CORO1A: variants seen among roughly 807,000 people sequenced by gnomAD.
CORO1A encodes the protein coronin-1A.
A neutral mutation model predicts 44.1 loss-of-function variants in CORO1A; 17 were observed. The ratio of observed to expected loss-of-function variants is 0.39; its 90% CI spans 0.26 to 0.58. The LOEUF (loss-of-function observed/expected upper bound fraction) is 0.58, where lower values mean the gene tolerates loss of function less well. Ranked by LOEUF, CORO1A falls within the 20% of genes least tolerant of loss-of-function variation. CORO1A has a pLI of 0.62. For missense variants in CORO1A, 415 were observed against 606.5 expected, an observed-to-expected ratio of 0.68 and a Z score of 3.32; for synonymous variants, 271 against 244.2, an observed-to-expected ratio of 1.11 and a Z score of -1.02.
intron 2 of CORO1A, chr16:30,185,740 T>C: frequency 2.6e-6 from 1 of 381,044 alleles, no homozygotes; most frequent in Non-Finnish European, 4.9e-6. Context: ...CTGGGGGCCC[T>C]GGCAGCGTTC....
At position 30,187,267 on chromosome 16, in the gene CORO1A, CCTT is replaced by C. The variant is rs777585104; in HGVS notation, c.636+48_636+50del. 1.0e-5 allele frequency: 16 copies of C among 1,605,996 alleles called. 1 individual carries two copies. Among genetic ancestry groups the C allele is most frequent in the South Asian group, 3.3e-5 (3 of 91,078 alleles). ...TGACCTTTGACCCTACAGCCTTTAT[CCTT>C]CTTATCCACCATCAGCCAGGCCCTT... On this transcript the variant is annotated intron_variant, in intron 5 of 10. Transcript: ENST00000219150.
In CORO1A at chr16:30,186,585, G is replaced by A. The variant is rs752190267; in HGVS notation, c.199-13G>A. On this transcript the variant is annotated splice_polypyrimidine_tract_variant and intron_variant, in intron 2 of 10. Transcript: ENST00000219150. ...GAGGCAAAAGCACCTCCAAGGCCCT[G>A]CTGTGCCTTTAGACTGGACGTGTGG... is the stretch of plus-strand genomic sequence containing the variant. 3.8e-5 allele frequency: 61 copies of A among 1,612,060 alleles called. 3 individuals carry two copies. The South Asian group carries it at 6.4e-4, about 17-fold the overall frequency.
At position 30,188,011 on chromosome 16, in the gene CORO1A, A is replaced by G. The variant is rs769394096; in HGVS notation, c.931A>G (p.Ser311Gly). ...APFLHYLSMF[S>G]SKESQRGMGY... The stretch of plus-strand genomic sequence containing the variant: ...TTTCCTGCACTATCTCTCCATGTTC[A>G]GTTCCAAGGAGTCCCAGCGGGGCAT... The change falls in exon 8 of 11, where the codon AGT becomes GGT. Residue 311 changes from serine (S) to glycine (G), a missense_variant. Physicochemically the swap from Ser to Gly is moderately conservative, Grantham distance 56. Around this residue, in one of 2 missense-constraint regions of CORO1A, gnomAD observed 325 missense variants for 521.7 expected, o/e 0.62. Transcript: ENST00000219150. 4 of 1,613,934 alleles carry G rather than the reference A, an allele frequency of 2.5e-6. No homozygotes were observed. The South Asian group carries it at 3.3e-5, about 13-fold the overall frequency.
intron 7 of CORO1A, 36 bp downstream of exon 7, chr16:30,187,865 G>GCCCGGGGGGC: frequency 1.9e-6 from 1 of 513,368 alleles, no homozygotes; most frequent in Non-Finnish European, 3.6e-6. Flanking sequence ...TGGGAGGTGG[G>GCCCGGGGGGC]CAGGATGGGC....
At chr16:30,186,194 T>C (rs951161673) in intron 2 of CORO1A, 6 of 316,246 alleles carry the variant, frequency 1.9e-5, no homozygotes, top group South Asian at 1.6e-4. Flanking sequence ...GCCCCACCAC[T>C]CACACTCGCT....
Position 30,188,029 on chromosome 16 carries a change from C to A in CORO1A, c.949C>A (p.Arg317=), listed in dbSNP as rs767866898. Residue 317 remains arginine, a synonymous_variant, in exon 8 of 11, where the codon CGG becomes AGG. Transcript: ENST00000219150. ...LSMFSSKESQ[R]GMGYMPKRGL... is the part of the protein sequence containing the mutation. ...CATGTTCAGTTCCAAGGAGTCCCAG[C>A]GGGGCATGGGCTACATGCCCAAACG... The A allele has an allele frequency of 3.1e-6, 5 of 1,613,780 alleles. No homozygotes were observed. The highest frequency in any genetic ancestry group is 1.3e-5 in the African/African-American group (1 of 74,920).
At position 30,185,426 on chromosome 16, in the gene CORO1A, G is replaced by A. The variant is rs747443140; in HGVS notation, c.198+19G>A. 1 of 1,606,576 alleles carries A rather than the reference G, an allele frequency of 6.2e-7. No individual in the cohort carries two copies. Among genetic ancestry groups the A allele is most frequent in the Non-Finnish European group, 8.5e-7 (1 of 1,176,816 alleles). On this transcript the variant is annotated intron_variant, in intron 2 of 10. Coordinates refer to ENST00000219150, the MANE Select transcript of CORO1A (RefSeq NM_007074.4). ...GGGCAAGGTGAGCCCCTGGGGCCCTGGGGGGAGCAGCTCCTCCACCGGACC... is the reference window on the plus strand; with the variant it reads ...GGGCAAGGTGAGCCCCTGGGGCCCTAGGGGGAGCAGCTCCTCCACCGGACC...
At position 30,187,779 on chromosome 16, in the gene CORO1A, C is replaced by G. The variant is rs1220382476; in HGVS notation, c.811C>G (p.Leu271Val). The G allele has an allele frequency of 6.3e-7, 1 of 1,599,616 alleles. No individual in the cohort carries two copies. The change falls in exon 7 of 11, where the codon CTG becomes GTG. Residue 271 changes from leucine (L) to valine (V), a missense_variant. Physicochemically the swap from Leu to Val is conservative, Grantham distance 32. Around this residue, in one of 2 missense-constraint regions of CORO1A, gnomAD observed 325 missense variants for 521.7 expected, o/e 0.62. Coordinates refer to ENST00000219150, the MANE Select transcript of CORO1A (RefSeq NM_007074.4). ...LQELDTSSGVLLPFFDPDTNI... is the reference protein window; with the variant it reads ...LQELDTSSGVVLPFFDPDTNI... Reference sequence around the variant, plus strand: ...GGAGCTGGACACCAGCAGCGGTGTCCTGCTGCCCTTCTTTGACCCTGACAC... The same window carrying G: ...GGAGCTGGACACCAGCAGCGGTGTCGTGCTGCCCTTCTTTGACCCTGACAC...
chr16:30,185,368 C>T lies in CORO1A; in HGVS notation c.159C>T (p.Ala53=), dbSNP rs1211639036. 8.7e-6 allele frequency: 14 copies of T among 1,614,122 alleles called. No individual in the cohort carries two copies. The highest frequency in any genetic ancestry group is 1.6e-4 in the Middle Eastern group (1 of 6,062). Residue 53 remains alanine (A), a synonymous_variant, in exon 2 of 11, where the codon GCC becomes GCT. Coordinates refer to ENST00000219150, the MANE Select transcript of CORO1A (RefSeq NM_007074.4). ...AGTTTGTGGCCCTGATCTGTGAGGC[C>T]AGCGGGGGAGGGGCCTTCCTGGTGC... The part of the protein sequence containing the change: ...NPKFVALICE[A]SGGGAFLVLP...
chr16:30,187,865 G>GGGGGGGGGGGGGGGCCGGGGGC, intron 7 of CORO1A, 36 bp downstream of exon 7: 1 of 513,366 alleles, frequency 1.9e-6, no homozygotes, highest in Non-Finnish European at 3.6e-6. Flanking sequence ...TGGGAGGTGG[G>GGGGGGGGGGGGGGGCCGGGGGC]CAGGATGGGC....
Position 30,187,966 on chromosome 16 carries a change from G to A in CORO1A, c.886G>A (p.Glu296Lys), listed in dbSNP as rs746960406. 6.2e-7 allele frequency: 1 copy of A among 1,614,054 alleles called. No homozygotes were observed. Among genetic ancestry groups the A allele is most frequent in the Admixed American group, 1.7e-5 (1 of 60,012 alleles). ...GKGDSSIRYF[E>K]ITSEAPFLHY... Reference sequence around the variant, plus strand: ...GGGTGACAGCTCAATCCGGTACTTTGAGATCACTTCCGAGGCCCCTTTCCT... The same window carrying A: ...GGGTGACAGCTCAATCCGGTACTTTAAGATCACTTCCGAGGCCCCTTTCCT... The change falls in exon 8 of 11, where the codon GAG becomes AAG. Residue 296 changes from glutamate (E) to lysine (K), a missense_variant. This residue lies in a region of CORO1A where 325 missense variants were observed against 521.7 expected (regional missense o/e 0.62). Coordinates refer to ENST00000219150, the MANE Select transcript of CORO1A (RefSeq NM_007074.4).
chr16:30,187,648 A>G (rs1328193311), intron 6 of CORO1A, 77 bp from the exon 7 acceptor site: 1 of 1,472,572 alleles, frequency 6.8e-7, no homozygotes, highest in Non-Finnish European at 9.4e-7. Flanking sequence ...GTTGGTCGGG[A>G]GGGCCCTCAC....
intron 1 of CORO1A, 56 bp from the exon 2 acceptor site, chr16:30,185,152 AC>A: frequency 6.4e-7 from 1 of 1,561,464 alleles, no homozygotes; most frequent in Non-Finnish European, 8.8e-7. Context: ...GGTGGGGACC[AC>A]TGGAAGATCA....
In CORO1A at chr16:30,185,259, A is replaced by T. The variant is rs747774638; in HGVS notation, c.50A>T (p.Gln17Leu). The change falls in exon 2 of 11, where the codon CAG (glutamine) becomes CTG (leucine). Residue 17 changes from glutamine (Q) to leucine (L), a missense_variant. Gln to Leu is a moderately radical substitution (Grantham distance 113, BLOSUM62 -2). This residue lies in a region of CORO1A where 325 missense variants were observed against 521.7 expected (regional missense o/e 0.62). Transcript: ENST00000219150. ...RSSKFRHVFG[Q>L]PAKADQCYED... is the part of the protein sequence containing the mutation. ...AGCAAGTTCCGCCACGTGTTTGGACAGCCGGCCAAGGCCGACCAGTGCTAT... is the reference window on the plus strand; with the variant it reads ...AGCAAGTTCCGCCACGTGTTTGGACTGCCGGCCAAGGCCGACCAGTGCTAT... 1.2e-6 allele frequency: 2 copies of T among 1,614,206 alleles called. No individual in the cohort carries two copies. Among genetic ancestry groups the T allele is most frequent in the Non-Finnish European group, 1.7e-6 (2 of 1,180,024 alleles).
In CORO1A at chr16:30,186,738, C is replaced by A. The variant is rs1596918015; in HGVS notation, c.321+18C>A. Reference sequence around the variant, plus strand: ...CAGTCATGGTGAGTGGTGGTGGGGACCCAGGGGCTGGGAGAGGGGCTCTAG... The same window carrying A: ...CAGTCATGGTGAGTGGTGGTGGGGAACCAGGGGCTGGGAGAGGGGCTCTAG... On this transcript the variant is annotated intron_variant, in intron 3 of 10. Coordinates refer to ENST00000219150, the MANE Select transcript of CORO1A (RefSeq NM_007074.4). The A allele has an allele frequency of 6.2e-7, 1 of 1,610,886 alleles. No homozygotes were observed. Among genetic ancestry groups the A allele is most frequent in the Non-Finnish European group, 8.5e-7 (1 of 1,179,818 alleles).
chr16:30,188,042 A>C lies in CORO1A; in HGVS notation c.962A>C (p.Tyr321Ser), dbSNP rs761189964. 1 of 1,613,846 alleles carries C rather than the reference A, an allele frequency of 6.2e-7. No individual in the cohort carries two copies. The highest frequency in any genetic ancestry group is 1.1e-5 in the South Asian group (1 of 91,080). Residue 321 changes from tyrosine (Y) to serine (S), a missense_variant, in exon 8 of 11, where the codon TAC (tyrosine) becomes TCC (serine). This residue lies in a region of CORO1A where 325 missense variants were observed against 521.7 expected (regional missense o/e 0.62). Coordinates refer to ENST00000219150, the MANE Select transcript of CORO1A (RefSeq NM_007074.4). ...SSKESQRGMG[Y>S]MPKRGLEVNK... Reference sequence around the variant, plus strand: ...AAGGAGTCCCAGCGGGGCATGGGCTACATGCCCAAACGTGGCCTGGAGGTG... The same window carrying C: ...AAGGAGTCCCAGCGGGGCATGGGCTCCATGCCCAAACGTGGCCTGGAGGTG...
In CORO1A at chr16:30,188,187, C is replaced by G; in HGVS notation, c.1008-5C>G. 6.2e-7 allele frequency: 1 copy of G among 1,614,138 alleles called. No homozygotes were observed. The highest frequency in any genetic ancestry group is 1.1e-5 in the South Asian group (1 of 91,086). On this transcript the variant is annotated splice_region_variant and splice_polypyrimidine_tract_variant and intron_variant, in intron 8 of 10. Coordinates refer to ENST00000219150, the MANE Select transcript of CORO1A (RefSeq NM_007074.4). ...TGGGCCCCGCTCACCTTCCCCTTCCCACAGGTTCTACAAGCTGCACGAGCG... is the reference window on the plus strand; with the variant it reads ...TGGGCCCCGCTCACCTTCCCCTTCCGACAGGTTCTACAAGCTGCACGAGCG...
intron 2 of CORO1A, chr16:30,185,714 G>A (rs767723262): frequency 4.4e-6 from 2 of 458,830 alleles, no homozygotes; most frequent in Non-Finnish European, 4.0e-6. Context: ...AAACACAGAG[G>A]GGGTTGGGAT....
chr16:30,185,308 C>T lies in CORO1A; in HGVS notation c.99C>T (p.Thr33=), dbSNP rs1445761198. The T allele has an allele frequency of 6.2e-7, 1 of 1,614,226 alleles. No individual in the cohort carries two copies. The highest frequency in any genetic ancestry group is 8.5e-7 in the Non-Finnish European group (1 of 1,180,030). Residue 33 remains threonine (T), a synonymous_variant, in exon 2 of 11, where the codon ACC becomes ACT. Transcript: ENST00000219150. The part of the protein sequence containing the change: ...QCYEDVRVSQ[T]TWDSGFCAVN... ...ATGAAGATGTGCGCGTCTCACAGACCACCTGGGACAGTGGCTTCTGTGCTG... is the reference window on the plus strand; with the variant it reads ...ATGAAGATGTGCGCGTCTCACAGACTACCTGGGACAGTGGCTTCTGTGCTG...
Sources: allele counts gnomAD v4.1 joint callset, GRCh38; gene constraint gnomAD v4.1.1; regional missense constraint gnomAD v4.1.1; transcripts MANE v1.5; gene names NCBI Gene and HGNC (gene_info 2026-07-23, HGNC 2026-07-21).